Variants in PHF8 observed in about 807,000 individuals in gnomAD.
PHF8 encodes histone lysine demethylase PHF8.
Under a neutral mutation model 74.4 loss-of-function variants are expected in PHF8, and 9 were observed. The observed-to-expected ratio is 0.12, with a 90% CI of 0.07 to 0.21. The LOEUF is 0.21. PHF8 is among the 10% of genes least tolerant of loss of function. The probability of loss-of-function intolerance (pLI) is 1.00; values close to 1 mark genes in which losing one functional copy is unlikely to be tolerated. For missense variants in PHF8, 478 were observed against 816.6 expected, an observed-to-expected ratio of 0.59 and a Z score of 5.05; for synonymous variants, 311 against 316.6, an observed-to-expected ratio of 0.98 and a Z score of 0.19.
chrX:53,947,062 A>C (rs1557085344), intron 19 of PHF8, among the ~76,000 whole-genome samples: 1 of 111,598 alleles, frequency 9.0e-6, no homozygotes, highest in Admixed American at 9.5e-5. Flanking sequence ...CCAAGGCTAG[A>C]GTGCAGTGGG....
intron 8 of PHF8, among the ~76,000 whole-genome samples, chrX:54,008,072 T>C (rs1217670353): frequency 2.7e-5 from 3 of 112,019 alleles, no homozygotes; most frequent in Non-Finnish European, 5.6e-5. Flanking sequence ...TATTCAGCTG[T>C]TAAAAAGAAC....
chrX:53,958,653 G>A (rs1014166962), intron 19 of PHF8, among the ~76,000 whole-genome samples: 1 of 105,782 alleles, frequency 9.5e-6, no homozygotes, highest in East Asian at 3.0e-4. Flanking sequence ...GCGGGTGCCT[G>A]TAGTCCCAGC....
In PHF8 at chrX:53,936,867, A is replaced by G. The variant is rs1412785101; in HGVS notation, c.*2291T>C. On this transcript the variant is annotated 3_prime_UTR_variant, in exon 22 of 22. Transcript: ENST00000338154. The stretch of plus-strand genomic sequence containing the variant: ...TTCACAATCCTACCCACTTCTAAAA[A>G]TATATTTAGACATGTACAGAAGCGG... The G allele has an allele frequency of 9.0e-6, 1 of 111,696 alleles. No homozygotes were observed. Among genetic ancestry groups the G allele is most frequent in the Non-Finnish European group, 1.9e-5 (1 of 53,084 alleles). 9.2% of individuals were successfully genotyped at this position (111,696 alleles called of 1,213,427 possible).
intron 4 of PHF8, among the ~76,000 whole-genome samples, chrX:54,019,324 G>A (rs1279347046): frequency 1.8e-5 from 2 of 108,764 alleles, no homozygotes; most frequent in Non-Finnish European, 3.8e-5. Flanking sequence ...TTAGCTGGGC[G>A]TGGTGGCACA....
rs782558402 is a variant in PHF8, at chrX:53,966,718, C to T, written c.2444-3779G>A. Among the ~76,000 whole-genome samples, 578 of 109,818 alleles carry T rather than the reference C, an allele frequency of 5.3e-3. 6 individuals are homozygous for T. The highest frequency in any genetic ancestry group is 0.015 in the South Asian group (37 of 2,456). On this transcript the variant is annotated intron_variant, in intron 18 of 21. Transcript: ENST00000338154. ...ATCGTCTGGGATGTGAGGAGCCCCT[C>T]TGCCTGGCTGCCCAGTCTGGAAAGT...
upstream of PHF8, among the ~76,000 whole-genome samples, chrX:54,046,293 A>G (rs1244535254): frequency 1.8e-5 from 2 of 110,946 alleles, no homozygotes; most frequent in Non-Finnish European, 3.8e-5. Context: ...GACGTCTTTA[A>G]GAAAAAAATA....
rs370646275 is a variant in PHF8, at chrX:53,949,390, G to C, written c.2540-5147C>G. Among the ~76,000 whole-genome samples, 12 of 111,812 alleles carry C rather than the reference G, an allele frequency of 1.1e-4. No homozygotes were observed. The East Asian group carries it at 2.5e-3, about 23-fold the overall frequency. ...AATTTTAAATAATGAACAAGACTAA[G>C]AGCTTATAATAACCAAATGCATTGT... On this transcript the variant is annotated intron_variant, in intron 19 of 21. Coordinates refer to ENST00000338154, the MANE Select transcript of PHF8 (RefSeq NM_015107.3).
At chrX:53,949,020 C>T (rs1208423810) in intron 19 of PHF8, among the ~76,000 whole-genome samples, 2 of 107,802 alleles carry the variant, frequency 1.9e-5, no homozygotes, top group Admixed American at 1.0e-4. Flanking sequence ...AGCGAAACTC[C>T]GTCTCAAAAA....
intron 19 of PHF8, among the ~76,000 whole-genome samples, chrX:53,954,559 G>A (rs954744992): frequency 1.4e-4 from 13 of 96,016 alleles, no homozygotes; most frequent in African/African-American, 3.5e-4. Flanking sequence ...TAGAGATGTC[G>A]TAACACGTAA....
chrX:53,980,593 G>A lies in PHF8; in HGVS notation c.2443+4321C>T, dbSNP rs186712403. On this transcript the variant is annotated intron_variant, in intron 18 of 21. Coordinates refer to ENST00000338154, the MANE Select transcript of PHF8 (RefSeq NM_015107.3). The stretch of plus-strand genomic sequence containing the variant: ...ATGATAGCCCTATCAAACTAATACA[G>A]GACACACAGATCATCTACCTCAACA... Among the ~76,000 whole-genome samples, 21 of 111,811 alleles carry A rather than the reference G, an allele frequency of 1.9e-4. No individual in the cohort carries two copies. The East Asian group carries it at 4.5e-3, about 24-fold the overall frequency.
intron 18 of PHF8, among the ~76,000 whole-genome samples, chrX:53,963,842 C>T (rs1280223667): frequency 8.9e-6 from 1 of 111,737 alleles, no homozygotes; most frequent in Admixed American, 9.5e-5. Flanking sequence ...CCTCAGGGAT[C>T]TAGAACGAGA....
At chrX:53,962,139 T>C (rs1266104538) in intron 19 of PHF8, among the ~76,000 whole-genome samples, 1 of 111,670 alleles carries the variant, frequency 9.0e-6, no homozygotes, top group Non-Finnish European at 1.9e-5. Context: ...AGGACTTAGA[T>C]AGTAGGTCTG....
rs781838851 is a variant in PHF8, at chrX:53,943,515, C to A, written c.2649+619G>T. Reference sequence around the variant, plus strand: ...AGCAGATGCTTAACAGTGCTCTAAGCTATAGGATATGGGATTAGGAGCTAA... The same window carrying A: ...AGCAGATGCTTAACAGTGCTCTAAGATATAGGATATGGGATTAGGAGCTAA... On this transcript the variant is annotated intron_variant, in intron 20 of 21. Transcript: ENST00000338154. 4.6e-5 allele frequency: 34 copies of A among 738,738 alleles called. No individual in the cohort carries two copies. The African/African-American group carries it at 5.9e-4, about 13-fold the overall frequency. 60.9% of individuals were successfully genotyped at this position (738,738 alleles called of 1,213,427 possible).
chrX:53,960,850 T>C (rs981946506), intron 19 of PHF8, among the ~76,000 whole-genome samples: 19 of 110,862 alleles, frequency 1.7e-4, no homozygotes, highest in African/African-American at 6.2e-4. Flanking sequence ...CATGTCAAAA[T>C]GTTAACATTG....
At chrX:54,005,734 G>C (rs997549123) in intron 8 of PHF8, among the ~76,000 whole-genome samples, 1 of 108,989 alleles carries the variant, frequency 9.2e-6, no homozygotes, top group East Asian at 2.9e-4. Flanking sequence ...AGGCCAGAAC[G>C]AAACAGCAAA....
At position 53,938,771 on chromosome X, in the gene PHF8, C is replaced by G. The variant is rs782144022; in HGVS notation, c.*387G>C. 2.8e-4 allele frequency: 216 copies of G among 776,579 alleles called. 1 individual carries two copies. The African/African-American group carries it at 4.5e-3, about 16-fold the overall frequency. The allele number at this position is 776,579 out of a possible 1,213,427, so 64.0% of individuals were successfully genotyped here. A position where few individuals can be genotyped will look rare whatever the true frequency, so the allele number is the denominator to read the frequency against. Reference sequence around the variant, plus strand: ...GGCTAGAGTTGCAGAAAGTGTCAAGCACTGGGCTTCCCACTTCATGGCTCA... The same window carrying G: ...GGCTAGAGTTGCAGAAAGTGTCAAGGACTGGGCTTCCCACTTCATGGCTCA... On this transcript the variant is annotated 3_prime_UTR_variant, in exon 22 of 22. Transcript: ENST00000338154.
At chrX:53,943,229 T>C (rs2064779281) in intron 20 of PHF8, 5 of 931,283 alleles carry the variant, frequency 5.4e-6, no homozygotes, top group Admixed American at 3.9e-5. Context: ...TCAAAGAAGA[T>C]TGCCAAAGAT....
At chrX:54,031,398 C>A (rs1421259649) in intron 2 of PHF8, among the ~76,000 whole-genome samples, 3 of 109,649 alleles carry the variant, frequency 2.7e-5, no homozygotes, top group African/African-American at 1.0e-4. Flanking sequence ...CCATTCCCAC[C>A]GCCCCACCCC....
intron 14 of PHF8, among the ~76,000 whole-genome samples, chrX:53,991,618 G>A (rs1169469217): frequency 3.3e-5 from 3 of 91,816 alleles, no homozygotes; most frequent in Non-Finnish European, 6.1e-5. Context: ...AGCTGAGATC[G>A]CACCACTGCA....
Sources: gnomAD v4.1 joint callset for allele counts (sites outside exome capture counted in the v4.1 genomes callset) on GRCh38, gnomAD v4.1.1 for gene constraint, MANE v1.5 for transcripts, NCBI Gene and HGNC (gene_info 2026-07-23, HGNC 2026-07-21) for gene names.